Variants in ZFPM2 observed in about 807,000 individuals in gnomAD.
The protein encoded by ZFPM2 is zinc finger protein ZFPM2.
ZFPM2 carries 20 observed loss-of-function variants against 98.6 expected under a neutral mutation model. That is an observed-to-expected ratio of 0.20 (90% CI 0.14 to 0.29). The LOEUF (loss-of-function observed/expected upper bound fraction) is 0.29, where lower values mean the gene tolerates loss of function less well. Ranked by LOEUF, ZFPM2 falls within the 10% of genes least tolerant of loss-of-function variation. ZFPM2 has a pLI of 1.00. For synonymous variants in ZFPM2, 518 were observed against 502.7 expected (o/e 1.03, Z -0.41); for missense variants, 1,310 against 1,388.6 (o/e 0.94, Z 0.90).
intron 3 of ZFPM2, among the ~76,000 whole-genome samples, chr8:105,558,576 T>A (rs1359965963): frequency 1.3e-5 from 2 of 152,312 alleles, no homozygotes; most frequent in Non-Finnish European, 2.9e-5. Flanking sequence ...TGCCCCAAGT[T>A]TGTAGTTCTT....
At chr8:105,578,476 TC>T (rs200508901) in intron 4 of ZFPM2, among the ~76,000 whole-genome samples, 2 of 152,108 alleles carry the variant, frequency 1.3e-5, no homozygotes, top group Admixed American at 6.6e-5. Context: ...ATCAAACAAT[TC>T]AGAGTATTCT....
At chr8:105,650,948 T>G (rs983791555) in intron 5 of ZFPM2, among the ~76,000 whole-genome samples, 2 of 152,146 alleles carry the variant, frequency 1.3e-5, no homozygotes, top group Admixed American at 1.3e-4. Context: ...TCTGCAAAGT[T>G]TTCTGACCTC....
chr8:105,703,754 A>T (rs1321735489), intron 5 of ZFPM2, among the ~76,000 whole-genome samples: 1 of 152,226 alleles, frequency 6.6e-6, no homozygotes, highest in East Asian at 1.9e-4. Context: ...CATTATAAAA[A>T]TCATTTCTTT....
chr8:105,391,565 C>T (rs1811109794), intron 1 of ZFPM2, among the ~76,000 whole-genome samples: 2 of 151,710 alleles, frequency 1.3e-5, no homozygotes, highest in Non-Finnish European at 2.9e-5. Context: ...ACACACCCTA[C>T]TTATGCGTCG....
At chr8:105,614,237 A>G (rs2130804473) in intron 4 of ZFPM2, among the ~76,000 whole-genome samples, 1 of 152,288 alleles carries the variant, frequency 6.6e-6, no homozygotes, top group South Asian at 2.1e-4. Context: ...CTAACTTTAT[A>G]TATTTTAAGT....
At chr8:105,572,417 T>A (rs1815377605) in intron 4 of ZFPM2, among the ~76,000 whole-genome samples, 1 of 152,144 alleles carries the variant, frequency 6.6e-6, no homozygotes, top group Non-Finnish European at 1.5e-5. Flanking sequence ...TTTGAGAAAC[T>A]CTCTTGGAGA....
intron 5 of ZFPM2, among the ~76,000 whole-genome samples, chr8:105,744,102 C>T (rs527401216): frequency 4.1e-4 from 63 of 152,006 alleles, no homozygotes; most frequent in African/African-American, 1.4e-3. Flanking sequence ...ATAGGCAAAC[C>T]GTGAAAATGA....
At chr8:105,320,256 TTG>T (rs71305141) in intron 1 of ZFPM2, among the ~76,000 whole-genome samples, 30,866 of 142,042 alleles carry the variant, frequency 0.22, 3,250 homozygotes, top group Admixed American at 0.32. Context: ...ATTCAGATCT[TTG>T]TGTGTGTGTG....
chr8:105,332,086 G>T (rs549342707), intron 1 of ZFPM2, among the ~76,000 whole-genome samples: 2 of 151,624 alleles, frequency 1.3e-5, no homozygotes, highest in African/African-American at 4.8e-5. Context: ...ATGGGTCTTT[G>T]TTCTGTTCCG....
intron 4 of ZFPM2, among the ~76,000 whole-genome samples, chr8:105,603,620 A>G (rs929127058): frequency 6.6e-6 from 1 of 152,126 alleles, no homozygotes; most frequent in Non-Finnish European, 1.5e-5. Context: ...TACACTTTGA[A>G]AACGTGGAAA....
chr8:105,334,070 T>C (rs985224505), intron 1 of ZFPM2, among the ~76,000 whole-genome samples: 1 of 150,748 alleles, frequency 6.6e-6, no homozygotes, highest in Non-Finnish European at 1.5e-5. Flanking sequence ...CATTGTGGAA[T>C]GTGAATGTCA....
intron 3 of ZFPM2, among the ~76,000 whole-genome samples, chr8:105,557,692 A>T (rs1815030300): frequency 6.6e-6 from 1 of 152,176 alleles, no homozygotes; most frequent in Non-Finnish European, 1.5e-5. Context: ...ATTTATAAGT[A>T]CCAATAAATA....
At chr8:105,335,849 G>A (rs1366806775) in intron 1 of ZFPM2, among the ~76,000 whole-genome samples, 2 of 151,804 alleles carry the variant, frequency 1.3e-5, no homozygotes, top group Non-Finnish European at 2.9e-5. Context: ...TGGTTGGCCT[G>A]CTACGTGCAG....
At chr8:105,338,409 A>G (rs1292373582) in intron 1 of ZFPM2, among the ~76,000 whole-genome samples, 1 of 151,866 alleles carries the variant, frequency 6.6e-6, no homozygotes, top group Non-Finnish European at 1.5e-5. Context: ...TGATACCTAG[A>G]GATCTTGTTT....
Position 105,802,308 on chromosome 8 carries a change from T to C in ZFPM2, c.2226T>C (p.Tyr742=). 1 of 1,613,748 alleles carries C rather than the reference T, an allele frequency of 6.2e-7. No homozygotes were observed. ...TMRTRKRRKM[Y]EMCLPEQEQR... is the part of the protein sequence containing the mutation. ...GCACACGCAAGCGCAGAAAGATGTATGAGATGTGCCTACCTGAGCAGGAAC... is the reference window on the plus strand; with the variant it reads ...GCACACGCAAGCGCAGAAAGATGTACGAGATGTGCCTACCTGAGCAGGAAC... The change falls in exon 8 of 8, where the codon TAT becomes TAC. Residue 742 remains tyrosine, a synonymous_variant. Transcript: ENST00000407775.
chr8:105,638,868 A>G (rs1384117294), intron 5 of ZFPM2, among the ~76,000 whole-genome samples: 1 of 152,092 alleles, frequency 6.6e-6, no homozygotes, highest in African/African-American at 2.4e-5. Flanking sequence ...TTGTTTTATA[A>G]AAATTTTTAA....
chr8:105,491,937 T>G (rs1274237038), intron 3 of ZFPM2, among the ~76,000 whole-genome samples: 2 of 152,182 alleles, frequency 1.3e-5, no homozygotes, highest in Admixed American at 1.3e-4. Context: ...TAAAATGAAA[T>G]ATTTGTTGGA....
At chr8:105,608,467 C>CA (rs1219837702) in intron 4 of ZFPM2, among the ~76,000 whole-genome samples, 1 of 151,578 alleles carries the variant, frequency 6.6e-6, no homozygotes, top group African/African-American at 2.4e-5. Flanking sequence ...AACATTCAAC[C>CA]AAAAATGTAA....
intron 1 of ZFPM2, among the ~76,000 whole-genome samples, chr8:105,415,223 G>A (rs1230252034): frequency 3.3e-5 from 5 of 152,090 alleles, no homozygotes; most frequent in Non-Finnish European, 7.4e-5. Flanking sequence ...TATTCTGAGA[G>A]ACAATGAACA....
Sources: gnomAD v4.1 joint callset for allele counts (sites outside exome capture counted in the v4.1 genomes callset) on GRCh38, gnomAD v4.1.1 for gene constraint, MANE v1.5 for transcripts, NCBI Gene and HGNC (gene_info 2026-07-23, HGNC 2026-07-21) for gene names.